PIN4: variants seen among roughly 807,000 people sequenced by gnomAD.
PIN4 encodes the protein peptidyl-prolyl cis-trans isomerase NIMA-interacting 4.
In PIN4, 3 loss-of-function variants were observed where a neutral mutation model predicts 8.3. The observed-to-expected ratio is 0.36, with a 90% CI of 0.16 to 0.93. PIN4 has a LOEUF of 0.93. Ranked by LOEUF, PIN4 falls within the 40% of genes least tolerant of loss-of-function variation. The pLI is 0.44. For missense variants in PIN4, 75 were observed against 100.6 expected (o/e 0.75, Z 1.09); for synonymous variants, 18 against 32.5 (o/e 0.55, Z 1.52).
chrX:72,246,868 C>T (rs1003881995), intron 3 of PIN4, among the ~76,000 whole-genome samples: 5 of 111,979 alleles, frequency 4.5e-5, no homozygotes, highest in African/African-American at 1.6e-4. Context: ...AATGTAGCTG[C>T]CTGGTTACCT....
At chrX:72,219,739 C>T (rs776031323) in intron 3 of PIN4, among the ~76,000 whole-genome samples, 1 of 108,704 alleles carries the variant, frequency 9.2e-6, no homozygotes, top group Non-Finnish European at 1.9e-5. Flanking sequence ...ATCCCAGCTA[C>T]TCAGGAGGCT....
intron 3 of PIN4, chrX:72,238,943 G>GGGAGTTTGGAGTTT (rs202000886): frequency 8.9e-7 from 1 of 1,124,329 alleles, no homozygotes; most frequent in Non-Finnish European, 1.2e-6. Context: ...TTACCCCGGC[G>GGGAGTTTGGAGTTT]GGAGTTTGGA....
chrX:72,245,449 T>G (rs954571928), intron 3 of PIN4, among the ~76,000 whole-genome samples: 2 of 111,851 alleles, frequency 1.8e-5, no homozygotes, highest in South Asian at 7.5e-4. Context: ...GGATTACAGG[T>G]GTGAGCCACC....
chrX:72,190,684 G>A (rs1371098363), intron 2 of PIN4, among the ~76,000 whole-genome samples: 2 of 111,092 alleles, frequency 1.8e-5, no homozygotes, highest in Non-Finnish European at 3.8e-5. Flanking sequence ...GGGCGCCGGT[G>A]GCTCATGCCT....
At chrX:72,227,014 A>T (rs2042957780) in intron 3 of PIN4, among the ~76,000 whole-genome samples, 1 of 111,864 alleles carries the variant, frequency 8.9e-6, no homozygotes, top group Admixed American at 9.5e-5. Context: ...ACCCTACTCC[A>T]ACACTAAATC....
chrX:72,197,903 T>G lies in PIN4; in HGVS notation c.*377T>G. On this transcript the variant is annotated 3_prime_UTR_variant, in exon 4 of 4. Transcript: ENST00000373669. ...TTCACACAACTGAAAATATTGGGCA[T>G]CAAATAGATTAGTGTGTGAGAATCA... 1.3e-6 allele frequency: 1 copy of G among 751,584 alleles called. No individual in the cohort carries two copies. The highest frequency in any genetic ancestry group is 1.6e-6 in the Non-Finnish European group (1 of 632,346). The allele number at this position is 751,584 out of a possible 1,213,427, so 61.9% of individuals were successfully genotyped here.
chrX:72,260,028 C>T (rs1047370248), intron 3 of PIN4, among the ~76,000 whole-genome samples: 3 of 110,011 alleles, frequency 2.7e-5, no homozygotes, highest in Non-Finnish European at 3.8e-5. Flanking sequence ...CAGAAGCCAC[C>T]GCGCCTGGCC....
In PIN4 at chrX:72,196,766, A is replaced by C. The variant is rs2042768298; in HGVS notation, c.118-19A>C. On this transcript the variant is annotated intron_variant, in intron 2 of 3. Transcript: ENST00000373669. ...ATTTGGGTCTCCAAGTATTACATGA[A>C]TGTACTTTTTCCTTGCAGGTCAGAC... The C allele has an allele frequency of 8.4e-7, 1 of 1,192,831 alleles. No homozygotes were observed. The highest frequency in any genetic ancestry group is 2.2e-5 in the Admixed American group (1 of 44,676).
intron 2 of PIN4, among the ~76,000 whole-genome samples, chrX:72,191,760 A>G (rs907019264): frequency 2.7e-5 from 3 of 111,760 alleles, no homozygotes; most frequent in African/African-American, 9.8e-5. Context: ...GCCCCCTAGC[A>G]ACAAAGTTAC....
intron 3 of PIN4, 97 bp downstream of exon 3, chrX:72,197,001 C>A: frequency 1.3e-6 from 1 of 757,339 alleles, no homozygotes; most frequent in Non-Finnish European, 1.9e-6. Context: ...CCATCCTCCA[C>A]AGAAGAAACA....
chrX:72,227,256 C>T lies in PIN4; in HGVS notation c.312+30352C>T, dbSNP rs138276459. On this transcript the variant is annotated intron_variant, in intron 3 of 3. Coordinates refer to the PIN4 transcript ENST00000423432. ...TCAGGGTGCCTCTTTCTTTTCAATCCGACAATGGTCCTGAATTCATCTCTC... is the reference window on the plus strand; with the variant it reads ...TCAGGGTGCCTCTTTCTTTTCAATCTGACAATGGTCCTGAATTCATCTCTC... 8.3e-3 allele frequency among the ~76,000 whole-genome samples: 931 copies of T among 111,729 alleles called. 8 individuals carry two copies. The highest frequency in any genetic ancestry group is 0.029 in the African/African-American group (885 of 30,735).
At chrX:72,221,663 C>T (rs899086228) in intron 3 of PIN4, among the ~76,000 whole-genome samples, 1 of 111,068 alleles carries the variant, frequency 9.0e-6, no homozygotes, top group African/African-American at 3.3e-5. Flanking sequence ...TAATGACAGC[C>T]GATGGTTGGA....
Position 72,197,291 on chromosome X carries a change from G to GA in PIN4, c.238-77_238-76insA. On this transcript the variant is annotated intron_variant, in intron 3 of 3. Transcript: ENST00000373669. Reference sequence around the variant, plus strand: ...ACCTCGTAACCTTAGCAAAATGTTGGGAAATTCTCTCAAGCTACAGTAGAA... The same window carrying GA: ...ACCTCGTAACCTTAGCAAAATGTTGGAGAAATTCTCTCAAGCTACAGTAGAA... 4.2e-6 allele frequency: 4 copies of GA among 954,782 alleles called. No homozygotes were observed. The South Asian group carries it at 9.2e-5, about 22-fold the overall frequency. The allele number at this position is 954,782 out of a possible 1,213,427, so 78.7% of individuals were successfully genotyped here. A position where few individuals can be genotyped will look rare whatever the true frequency, so the allele number is the denominator to read the frequency against.
At chrX:72,208,362 G>A in intron 3 of PIN4, 1 of 1,211,613 alleles carries the variant, frequency 8.3e-7, no homozygotes. Flanking sequence ...TACCGGAAAG[G>A]AAAGCAATGA....
chrX:72,202,394 A>T (rs940881634), downstream of PIN4, among the ~76,000 whole-genome samples: 3 of 112,646 alleles, frequency 2.7e-5, no homozygotes, highest in African/African-American at 9.7e-5. Flanking sequence ...TAGACGCTTC[A>T]CTGTTCAGAT....
chrX:72,210,560 T>C (rs1424260953), intron 3 of PIN4, among the ~76,000 whole-genome samples: 2 of 111,714 alleles, frequency 1.8e-5, no homozygotes, highest in East Asian at 2.8e-4. Flanking sequence ...GAAACCCCTA[T>C]GAAACCTGGG....
intron 1 of PIN4, 89 bp from the exon 2 acceptor site, chrX:72,186,372 A>G (rs1442911998): frequency 1.6e-6 from 1 of 628,350 alleles, no homozygotes; most frequent in Non-Finnish European, 2.6e-6. Context: ...TGGCGTTATG[A>G]TGGAAATATC....
chrX:72,260,933 G>A (rs752589644), intron 3 of PIN4, among the ~76,000 whole-genome samples: 2 of 111,686 alleles, frequency 1.8e-5, no homozygotes, highest in African/African-American at 6.5e-5. Flanking sequence ...AGCCTTCCGC[G>A]GCCCTCTCTG....
downstream of PIN4, among the ~76,000 whole-genome samples, chrX:72,203,104 T>TATC (rs1439461092): frequency 1.8e-5 from 2 of 111,524 alleles, no homozygotes; most frequent in East Asian, 5.6e-4. Flanking sequence ...CCAATTATTT[T>TATC]ATCAATCATG....
Sources: allele counts gnomAD v4.1 joint callset (sites outside exome capture counted in the v4.1 genomes callset), GRCh38; gene constraint gnomAD v4.1.1; transcripts MANE v1.5; gene names NCBI Gene and HGNC (gene_info 2026-07-23, HGNC 2026-07-21).